PLEC: variants seen among roughly 807,000 people sequenced by gnomAD.
The protein encoded by PLEC is hemidesmosomal protein 1.
PLEC carries 216 observed loss-of-function variants against 392.8 expected under a neutral mutation model. The observed-to-expected ratio is 0.55, with a 90% CI of 0.49 to 0.62. The LOEUF (loss-of-function observed/expected upper bound fraction) is 0.62, where lower values mean the gene tolerates loss of function less well. PLEC is among the 20% of genes least tolerant of loss of function. The pLI is 0.00. For synonymous variants in PLEC, 3,621 were observed against 2,980.6 expected, an observed-to-expected ratio of 1.21 and a Z score of -7.00; for missense variants, 6,863 against 6,563.4, an observed-to-expected ratio of 1.05 and a Z score of -1.58.
Position 143,939,574 on chromosome 8 carries a change from G to C in PLEC, c.-113C>G. 1.3e-6 allele frequency: 2 copies of C among 1,524,760 alleles called. No individual in the cohort carries two copies. Among genetic ancestry groups the C allele is most frequent in the East Asian group, 2.5e-5 (1 of 40,600 alleles). The allele number at this position is 1,524,760 out of a possible 1,614,324, so 94.5% of individuals were successfully genotyped here. ...TGGCGGCCCCACGAGACGCTCACTC[G>C]GCACAGGCTCAGCTCAGAGCCCCAG... is the stretch of plus-strand genomic sequence containing the variant. On this transcript the variant is annotated 5_prime_UTR_variant, in exon 1 of 32. Transcript: ENST00000345136.
chr8:143,943,360 G>T (rs1159830465), upstream of PLEC, among the ~76,000 whole-genome samples: 1 of 152,228 alleles, frequency 6.6e-6, no homozygotes, highest in Non-Finnish European at 1.5e-5. Flanking sequence ...CCCGCCCCCT[G>T]TGCGGCCCGA....
upstream of PLEC, chr8:143,942,266 G>A: frequency 8.8e-7 from 1 of 1,134,048 alleles, no homozygotes; most frequent in Non-Finnish European, 1.3e-6. Context: ...TCGGGGGCAA[G>A]GCTGCACCGG....
At chr8:143,967,972 AC>A (rs1833198369) in intron 1 of PLEC, among the ~76,000 whole-genome samples, 1 of 152,060 alleles carries the variant, frequency 6.6e-6, no homozygotes, top group South Asian at 2.1e-4. Flanking sequence ...TACTAAAAAT[AC>A]AAAAATTAGC....
chr8:143,944,068 T>G (rs1339031763), upstream of PLEC: 4 of 819,828 alleles, frequency 4.9e-6, no homozygotes, highest in Non-Finnish European at 5.5e-6. Context: ...CCCGCCCGCC[T>G]CCTCTCCTCC....
chr8:143,926,679 G>C (rs1282816475), intron 30 of PLEC, 105 bp downstream of exon 30: 24 of 940,468 alleles, frequency 2.6e-5, no homozygotes, highest in Non-Finnish European at 4.2e-5. Flanking sequence ...GGGAGAGTGG[G>C]GAGGGCCACG....
In PLEC at chr8:143,923,953, C is replaced by T; in HGVS notation, c.5976G>A (p.Lys1992=). Reference sequence around the variant, plus strand: ...CGGCCTCCTCCTCGGCCGCCAGGCTCTTCTGCACGCGCTCCTCAGCCTCAC... The same window carrying T: ...CGGCCTCCTCCTCGGCCGCCAGGCTTTTCTGCACGCGCTCCTCAGCCTCAC... The part of the protein sequence containing the change: ...RRREAEERVQ[K]SLAAEEEAAR... Residue 1992 remains lysine (K), a synonymous_variant, in exon 31 of 32, where the codon AAG becomes AAA. Transcript: ENST00000345136. 3 of 1,593,344 alleles carry T rather than the reference C, an allele frequency of 1.9e-6. No homozygotes were observed. Among genetic ancestry groups the T allele is most frequent in the Non-Finnish European group, 2.5e-6 (3 of 1,177,376 alleles).
upstream of PLEC, chr8:143,958,828 T>C: frequency 3.5e-6 from 1 of 283,790 alleles, no homozygotes; most frequent in South Asian, 2.7e-5. The surrounding 1 kb of genome is among the most constrained non-coding windows in gnomAD (Gnocchi z 4.9). Flanking sequence ...GGCGGCTGCC[T>C]CACCCAGCAC....
rs1554676362 is a variant in PLEC, at chr8:143,918,839, T to A, written c.10982A>T (p.Glu3661Val). The A allele has an allele frequency of 1.9e-6, 3 of 1,613,076 alleles. No homozygotes were observed. The highest frequency in any genetic ancestry group is 2.5e-6 in the Non-Finnish European group (3 of 1,180,020). ...GCCCTCCCGGAGCAGGTTGTAGGTC[T>A]CGAGAGAGATGATCCGAGCCTCGAA... Reference protein sequence around the residue: ...DLFEARIISLETYNLLREGTR... With the variant: ...DLFEARIISLVTYNLLREGTR... Residue 3661 changes from glutamate (E) to valine (V), a missense_variant, in exon 32 of 32, where the codon GAG becomes GTG. Glu to Val is a moderately radical substitution (Grantham distance 121, BLOSUM62 -2). Transcript: ENST00000345136.
upstream of PLEC, among the ~76,000 whole-genome samples, chr8:143,951,287 G>C (rs566798879): frequency 6.6e-5 from 10 of 152,260 alleles, no homozygotes; most frequent in South Asian, 1.7e-3. Flanking sequence ...GGATCTGAAG[G>C]GGGGTGCTGG....
chr8:143,970,909 C>G (rs1352515416), intron 1 of PLEC, among the ~76,000 whole-genome samples: 1 of 152,224 alleles, frequency 6.6e-6, no homozygotes, highest in Non-Finnish European at 1.5e-5. Flanking sequence ...GCCCTCAGCA[C>G]GGAGGCCTCT....
At chr8:143,939,701 C>A (rs942357499), upstream of PLEC, 16 of 1,329,800 alleles carry the variant, frequency 1.2e-5, no homozygotes, top group African/African-American at 2.0e-4. Flanking sequence ...AGTGTCCCGG[C>A]GGGAAGGAGC....
rs936595727 is a variant in PLEC at position 143,929,579 on chromosome 8, A to G, written c.2924-8T>C. On this transcript the variant is annotated splice_region_variant and splice_polypyrimidine_tract_variant and intron_variant, in intron 23 of 31. Transcript: ENST00000345136. Reference sequence around the variant, plus strand: ...GAGACTCTTCCTGTGCACCTGGGGAACACATGTGGGTCACTCCACCGCCCA... The same window carrying G: ...GAGACTCTTCCTGTGCACCTGGGGAGCACATGTGGGTCACTCCACCGCCCA... 28 of 1,612,022 alleles carry G rather than the reference A, an allele frequency of 1.7e-5. No homozygotes were observed. The East Asian group carries it at 5.8e-4, about 33-fold the overall frequency.
At chr8:143,956,078 G>T (rs1832574073), upstream of PLEC, among the ~76,000 whole-genome samples, 1 of 151,832 alleles carries the variant, frequency 6.6e-6, no homozygotes, top group Admixed American at 6.6e-5. Flanking sequence ...AGCCTCTGCA[G>T]CTGGGACTAC....
At chr8:143,965,845 C>T (rs1236273265) in intron 1 of PLEC, among the ~76,000 whole-genome samples, 3 of 152,208 alleles carry the variant, frequency 2.0e-5, no homozygotes, top group African/African-American at 7.2e-5. Flanking sequence ...CAGGTGATGC[C>T]CATGCCCCCT....
intron 1 of PLEC, chr8:143,946,519 C>T (rs1209419846): frequency 1.7e-6 from 1 of 600,572 alleles, no homozygotes; most frequent in African/African-American, 1.9e-5. Context: ...CTCCTCGCAG[C>T]CACCCCTTAG....
intron 1 of PLEC, 70 bp from the exon 2 acceptor site, chr8:143,938,762 C>CAG: frequency 7.5e-7 from 1 of 1,329,346 alleles, no homozygotes; most frequent in Non-Finnish European, 1.1e-6. Flanking sequence ...GACCACCGTG[C>CAG]AGACACAGCA....
chr8:143,916,255 G>A lies in PLEC; in HGVS notation c.13566C>T (p.Tyr4522=). Residue 4522 remains tyrosine (Y), a synonymous_variant, in exon 32 of 32, where the codon TAC becomes TAT. Coordinates refer to ENST00000345136, the MANE Select transcript of PLEC (RefSeq NM_201384.3). ...GFSMTFSSSS[Y]SSSGYGRRYA... The stretch of plus-strand genomic sequence containing the variant: ...AGCGGCGGCCGTAGCCCGAGGAGGA[G>A]TAGGAGGATGAAGAGAAGGTCATGG... The A allele has an allele frequency of 6.5e-7, 1 of 1,548,934 alleles. No individual in the cohort carries two copies. The highest frequency in any genetic ancestry group is 1.2e-5 in the South Asian group (1 of 84,976).
In PLEC at chr8:143,918,080, C is replaced by G; in HGVS notation, c.11741G>C (p.Gly3914Ala). 1 of 1,597,398 alleles carries G rather than the reference C, an allele frequency of 6.3e-7. No individual in the cohort carries two copies. Among genetic ancestry groups the G allele is most frequent in the South Asian group, 1.1e-5 (1 of 89,752 alleles). The change falls in exon 32 of 32, where the codon GGC (glycine) becomes GCC (alanine). Residue 3914 changes from glycine (G) to alanine (A), a missense_variant. By Grantham distance (60) the Gly-to-Ala change is moderately conservative. Transcript: ENST00000345136. Reference protein sequence around the residue: ...DEATALQLREGLTSIEEVTKN... With the variant: ...DEATALQLREALTSIEEVTKN... The stretch of plus-strand genomic sequence containing the variant: ...GGTGACCTCCTCGATGGAGGTCAGG[C>G]CCTCCCGCAGCTGCAGCGCCGTGGC...
chr8:143,966,162 A>G lies in PLEC; in HGVS notation c.70+7241T>C, dbSNP rs140001738. Among the ~76,000 whole-genome samples, 603 of 152,152 alleles carry G rather than the reference A, an allele frequency of 4.0e-3. 2 individuals carry two copies. Among genetic ancestry groups the G allele is most frequent in the African/African-American group, 0.014 (569 of 41,500 alleles). The stretch of plus-strand genomic sequence containing the variant: ...CCATCCAGGCCTCACCCTGCTCCCA[A>G]CGTGGCCCTGCTTCCTCACGCCCCT... On this transcript the variant is annotated intron_variant, in intron 1 of 31. Transcript: ENST00000356346.
Sources: gnomAD v4.1 joint callset for allele counts (sites outside exome capture counted in the v4.1 genomes callset) on GRCh38, gnomAD v4.1.1 for gene constraint, Gnocchi (gnomAD v3.1) non-coding constraint, MANE v1.5 for transcripts, NCBI Gene and HGNC (gene_info 2026-07-23, HGNC 2026-07-21) for gene names.